The following KCNAB1 variants were observed in gnomAD, a reference collection of about 807,000 sequenced individuals.
KCNAB1 encodes potassium voltage-gated channel subfamily A regulatory beta subunit 1, also known as voltage-gated potassium channel subunit beta-1.
A neutral mutation model predicts 64.6 loss-of-function variants in KCNAB1; 35 were observed. That is an observed-to-expected ratio of 0.54 (90% CI 0.41 to 0.72). The LOEUF (loss-of-function observed/expected upper bound fraction) is 0.72. Among genes scored for constraint, KCNAB1 ranks in the 30% least tolerant of loss-of-function variants. The probability of loss-of-function intolerance (pLI) is 0.00; values close to 1 mark genes in which losing one functional copy is unlikely to be tolerated. For synonymous variants in KCNAB1, 177 were observed against 183.8 expected, an observed-to-expected ratio of 0.96 and a Z score of 0.30; for missense variants, 401 against 512.9, an observed-to-expected ratio of 0.78 and a Z score of 2.11.
chr3:156,398,359 G>A lies in KCNAB1; in HGVS notation c.276-23257G>A, dbSNP rs375431691. ...TGTAATCCCAGCACTTTGGGAGGCC[G>A]AGGCGGGTGGATCACGAGCTCAGGA... is the stretch of plus-strand genomic sequence containing the variant. On this transcript the variant is annotated intron_variant, in intron 1 of 13. Coordinates refer to ENST00000490337, the MANE Select transcript of KCNAB1 (RefSeq NM_172160.3). 2.5e-4 allele frequency among the ~76,000 whole-genome samples: 38 copies of A among 152,272 alleles called. No homozygotes were observed. The East Asian group carries it at 4.8e-3, about 19-fold the overall frequency.
intron 2 of KCNAB1, among the ~76,000 whole-genome samples, chr3:156,428,096 G>A (rs1429933032): frequency 6.6e-6 from 1 of 152,198 alleles, no homozygotes; most frequent in Admixed American, 6.5e-5. Flanking sequence ...GCCATGGAAT[G>A]TCCAGATATT....
rs1717551567 is a variant in KCNAB1, at chr3:156,516,260, T to C, written c.866-10T>C. ...TGCACAAGCAACTTTCTAAGTTTTT[T>C]CTTCTGTAGGTGTTGGCGCAATGAC... On this transcript the variant is annotated splice_polypyrimidine_tract_variant and intron_variant, in intron 10 of 13. Coordinates refer to ENST00000490337, the MANE Select transcript of KCNAB1 (RefSeq NM_172160.3). 1.9e-6 allele frequency: 3 copies of C among 1,609,138 alleles called. No homozygotes were observed. The highest frequency in any genetic ancestry group is 2.6e-6 in the Non-Finnish European group (3 of 1,175,524).
chr3:156,367,821 T>G (rs1037767738), intron 1 of KCNAB1, among the ~76,000 whole-genome samples: 1 of 150,890 alleles, frequency 6.6e-6, no homozygotes, highest in Non-Finnish European at 1.5e-5. Flanking sequence ...AGATCTTTTC[T>G]TTTTTTCTAT....
At chr3:156,428,035 C>T (rs2108236908) in intron 2 of KCNAB1, among the ~76,000 whole-genome samples, 1 of 152,236 alleles carries the variant, frequency 6.6e-6, no homozygotes, top group East Asian at 1.9e-4. Context: ...GGCAAGATGT[C>T]TGCAAGAAAA....
chr3:156,271,409 T>G (rs1188348086), intron 1 of KCNAB1, among the ~76,000 whole-genome samples: 1 of 152,248 alleles, frequency 6.6e-6, no homozygotes, highest in Non-Finnish European at 1.5e-5. Context: ...ACTGTGTATT[T>G]TTAAATAGCC....
At chr3:156,218,219 G>A (rs1189513639) in intron 1 of KCNAB1, among the ~76,000 whole-genome samples, 1 of 152,106 alleles carries the variant, frequency 6.6e-6, no homozygotes, top group Admixed American at 6.5e-5. Flanking sequence ...AGTGACTGCT[G>A]GCTTTTCCCC....
At chr3:156,138,771 A>G (rs947641892) in intron 1 of KCNAB1, among the ~76,000 whole-genome samples, 12 of 152,232 alleles carry the variant, frequency 7.9e-5, no homozygotes, top group Non-Finnish European at 1.5e-4. Context: ...CTGAGCCAGT[A>G]GAGAAACTAA....
chr3:156,494,935 G>C (rs566890238), intron 8 of KCNAB1, among the ~76,000 whole-genome samples: 267 of 152,114 alleles, frequency 1.8e-3, no homozygotes, highest in Non-Finnish European at 2.9e-3. Context: ...GTAAACATGT[G>C]CCATGGTGGT....
intron 9 of KCNAB1, among the ~76,000 whole-genome samples, chr3:156,514,739 T>C (rs1264352859): frequency 3.3e-5 from 5 of 152,268 alleles, no homozygotes; most frequent in Admixed American, 2.0e-4. Flanking sequence ...CTGTATTAAC[T>C]ATACTGTTTA....
At chr3:156,489,627 T>C (rs1438211503) in intron 8 of KCNAB1, among the ~76,000 whole-genome samples, 1 of 152,074 alleles carries the variant, frequency 6.6e-6, no homozygotes, top group Non-Finnish European at 1.5e-5. Flanking sequence ...AAAGTAAAAA[T>C]GCTTCTACCC....
Position 156,404,178 on chromosome 3 carries a change from GC to G in KCNAB1, c.276-17436del, listed in dbSNP as rs562915643. Among the ~76,000 whole-genome samples the G allele has an allele frequency of 7.6e-4, 116 of 151,960 alleles. 1 individual carries two copies. The Middle Eastern group carries it at 0.01, about 13-fold the overall frequency. ...AATTACTTCCTAGTACCTTTTTTTG[GC>G]CTGAATTTGAGTGAAGGTCTCAAAG... On this transcript the variant is annotated intron_variant, in intron 1 of 13. Coordinates refer to ENST00000490337, the MANE Select transcript of KCNAB1 (RefSeq NM_172160.3).
intron 1 of KCNAB1, among the ~76,000 whole-genome samples, chr3:156,308,494 G>T (rs893930615): frequency 6.6e-6 from 1 of 152,212 alleles, no homozygotes; most frequent in Non-Finnish European, 1.5e-5. Context: ...TGAGGACGAT[G>T]GTGGCTTGAA....
intron 1 of KCNAB1, among the ~76,000 whole-genome samples, chr3:156,420,351 C>T (rs555123310): frequency 3.3e-5 from 5 of 152,328 alleles, no homozygotes; most frequent in South Asian, 2.1e-4. Flanking sequence ...GTCAAAAGCC[C>T]GGGTCTTTCA....
chr3:156,506,318 C>G (rs1003143242), intron 8 of KCNAB1, among the ~76,000 whole-genome samples: 5 of 152,174 alleles, frequency 3.3e-5, no homozygotes, highest in African/African-American at 1.2e-4. Flanking sequence ...TAGTGCTTCA[C>G]TTTGGAACTC....
intron 2 of KCNAB1, among the ~76,000 whole-genome samples, chr3:156,435,408 G>T (rs1431148094): frequency 6.6e-6 from 1 of 152,186 alleles, no homozygotes; most frequent in African/African-American, 2.4e-5. Flanking sequence ...TAGAGACAAA[G>T]AATTTACACT....
chr3:156,284,811 C>T (rs1026974115), intron 1 of KCNAB1, among the ~76,000 whole-genome samples: 1 of 152,210 alleles, frequency 6.6e-6, no homozygotes, highest in Non-Finnish European at 1.5e-5. Flanking sequence ...GGCAATGCCT[C>T]ACCCTGCTTC....
Position 156,175,950 on chromosome 3 carries a change from G to A in KCNAB1, c.275+55064G>A, listed in dbSNP as rs565469063. 98 of 981,664 alleles carry A rather than the reference G, an allele frequency of 1.0e-4. 2 individuals carry two copies. In the South Asian group the frequency reaches 1.1e-3, roughly 11 times the overall value. The allele number at this position is 981,664 out of a possible 1,614,324, so 60.8% of individuals were successfully genotyped here. The stretch of plus-strand genomic sequence containing the variant: ...CTTCATTGATGGAGCCAGCATGGCC[G>A]GGCAGCTCATACAGTATTCTCCTGC... On this transcript the variant is annotated intron_variant, in intron 1 of 13. Coordinates refer to ENST00000490337, the MANE Select transcript of KCNAB1 (RefSeq NM_172160.3).
At chr3:156,223,471 G>T (rs1321454147) in intron 1 of KCNAB1, among the ~76,000 whole-genome samples, 4 of 152,108 alleles carry the variant, frequency 2.6e-5, no homozygotes, top group African/African-American at 9.7e-5. Flanking sequence ...TACAATCCCT[G>T]AGCTAGACAC....
chr3:156,433,083 T>C (rs1716343888), intron 2 of KCNAB1, among the ~76,000 whole-genome samples: 1 of 152,172 alleles, frequency 6.6e-6, no homozygotes, highest in Non-Finnish European at 1.5e-5. Context: ...CATTTTTTCA[T>C]GTGTTCATGG....
Sources: gnomAD v4.1 joint callset for allele counts (sites outside exome capture counted in the v4.1 genomes callset) on GRCh38, gnomAD v4.1.1 for gene constraint, MANE v1.5 for transcripts, NCBI Gene and HGNC (gene_info 2026-07-23, HGNC 2026-07-21) for gene names.